The following DVL1 variants were observed in gnomAD, a reference collection of about 807,000 sequenced individuals.
The protein encoded by DVL1 is dishevelled segment polarity protein 1, also known as segment polarity protein dishevelled homolog DVL-1.
A neutral mutation model predicts 65.0 loss-of-function variants in DVL1; 49 were observed. The ratio of observed to expected loss-of-function variants is 0.75; its 90% confidence interval spans 0.60 to 0.96. The LOEUF (loss-of-function observed/expected upper bound fraction) is 0.96, where lower values mean the gene tolerates loss of function less well. DVL1 is among the 40% of genes least tolerant of loss of function. DVL1 has a pLI of 0.00. For missense variants in DVL1, 1,197 were observed against 1,045.4 expected (o/e 1.15, Z -2.00); for synonymous variants, 608 against 433.9 (o/e 1.40, Z -4.99).
At position 1,335,914 on chromosome 1, in the gene DVL1, G is replaced by C; in HGVS notation, c.*228C>G. ...CCAGACACAAGGGGTTGGGAGGTCC[G>C]AGGCTCTCGCTGAGGGGCAGAGAGG... On this transcript the variant is annotated 3_prime_UTR_variant, in exon 15 of 15. Transcript: ENST00000378888. 1 of 610,622 alleles carries C rather than the reference G, an allele frequency of 1.6e-6. No individual in the cohort carries two copies. Among genetic ancestry groups the C allele is most frequent in the Non-Finnish European group, 2.9e-6 (1 of 350,220 alleles). 37.8% of individuals were successfully genotyped at this position (610,622 alleles called of 1,614,324 possible). A position where few individuals can be genotyped will look rare whatever the true frequency, so the allele number is the denominator to read the frequency against.
In DVL1 at chr1:1,342,450, C is replaced by T. The variant is rs756375414; in HGVS notation, c.275G>A (p.Gly92Glu). Residue 92 changes from glycine to glutamate, a missense_variant, in exon 3 of 15, where the codon GGG becomes GAG. By Grantham distance (98) the Gly-to-Glu change is moderately conservative. Transcript: ENST00000378888. ...VLAEGAHSDA[G>E]SQGTDSHTDL... ...TGTGTGGCTGTCCGTGCCCTGGGAC[C>T]CCGCATCCGAGTGAGCACCCTCAGC... is the stretch of plus-strand genomic sequence containing the variant. 38 of 1,607,708 alleles carry T rather than the reference C, an allele frequency of 2.4e-5. No individual in the cohort carries two copies. Among genetic ancestry groups the T allele is most frequent in the Non-Finnish European group, 3.1e-5 (37 of 1,178,200 alleles).
At chr1:1,341,054 CACAT>C (rs1643797147) in intron 5 of DVL1, among the ~76,000 whole-genome samples, 1 of 149,652 alleles carries the variant, frequency 6.7e-6, no homozygotes, top group Non-Finnish European at 1.5e-5. Context: ...CCCCTGCACA[CACAT>C]GCACACCTGC....
chr1:1,336,632 G>C (rs1643585996), intron 14 of DVL1, 117 bp from the exon 15 acceptor site: 28 of 1,344,504 alleles, frequency 2.1e-5, no homozygotes, highest in Non-Finnish European at 2.6e-5. Flanking sequence ...GGACGGGTGG[G>C]TGGGGCAGCC....
intron 5 of DVL1, among the ~76,000 whole-genome samples, chr1:1,341,166 AGCACACCTGCACACAC>A (rs1192787193): frequency 3.9e-5 from 5 of 127,830 alleles, no homozygotes; most frequent in Non-Finnish European, 6.6e-5. Context: ...CACCTGTACA[AGCACACCTGCACACAC>A]GCACATCTGC....
chr1:1,342,776 CG>C lies in DVL1; in HGVS notation c.171-19del. 1 of 1,612,070 alleles carries C rather than the reference CG, an allele frequency of 6.2e-7. No homozygotes were observed. The highest frequency in any genetic ancestry group is 8.5e-7 in the Non-Finnish European group (1 of 1,179,316). ...TCACCACCCTGTGGGCATATGCTGC[CG>C]TGAGGCCCCACCTGGGGGGCCCAAC... On this transcript the variant is annotated intron_variant, in intron 1 of 14. Transcript: ENST00000378888.
chr1:1,340,678 C>T (rs1474834126), intron 5 of DVL1, among the ~76,000 whole-genome samples, 175 bp from the exon 6 acceptor site: 1 of 152,120 alleles, frequency 6.6e-6, no homozygotes, highest in African/African-American at 2.4e-5. Flanking sequence ...TATGAGCACA[C>T]ACGAAAATCC....
chr1:1,348,175 G>A (rs1173369989), intron 1 of DVL1, among the ~76,000 whole-genome samples: 1 of 152,176 alleles, frequency 6.6e-6, no homozygotes, highest in Non-Finnish European at 1.5e-5. Context: ...CCTGCTCCCT[G>A]TCCCAGAGGG....
chr1:1,343,304 G>C (rs1643876103), intron 1 of DVL1, among the ~76,000 whole-genome samples: 2 of 147,506 alleles, frequency 1.4e-5, no homozygotes. Context: ...CTCAGGGCCA[G>C]GCCCCAGCCT....
intron 5 of DVL1, 44 bp from the exon 6 acceptor site, chr1:1,340,547 T>A: frequency 6.4e-7 from 1 of 1,556,604 alleles, no homozygotes. Context: ...GAGACATGGG[T>A]AGGGGGGTGG....
At chr1:1,348,401 C>A (rs1446012703) in intron 1 of DVL1, among the ~76,000 whole-genome samples, 2 of 152,218 alleles carry the variant, frequency 1.3e-5, no homozygotes, top group African/African-American at 2.4e-5. Flanking sequence ...TGACCTCCAC[C>A]CTGTCACAAG....
chr1:1,346,968 G>A (rs1274538636), intron 1 of DVL1, among the ~76,000 whole-genome samples: 1 of 152,188 alleles, frequency 6.6e-6, no homozygotes, highest in Non-Finnish European at 1.5e-5. Flanking sequence ...CTATTCCACA[G>A]AACAGACAGT....
intron 1 of DVL1, 44 bp from the exon 2 acceptor site, chr1:1,342,802 C>T (rs1186369072): frequency 6.2e-7 from 1 of 1,602,788 alleles, no homozygotes; most frequent in Admixed American, 1.7e-5. Context: ...GGGGGCCCAA[C>T]CCTGCGGTTC....
chr1:1,341,468 G>A (rs1038384706), intron 5 of DVL1, among the ~76,000 whole-genome samples, 199 bp downstream of exon 5: 2 of 151,320 alleles, frequency 1.3e-5, no homozygotes, highest in East Asian at 2.0e-4. Flanking sequence ...GCGCACACAC[G>A]TGCACAGTGA....
rs530528574 is a variant in DVL1 at position 1,339,449 on chromosome 1, C to G, written c.1055-10G>C. On this transcript the variant is annotated splice_polypyrimidine_tract_variant and intron_variant, in intron 10 of 14. Transcript: ENST00000378888. ...GGCCGCACCGGGTCAGCTGGGTGGC[C>G]GCCACGTGGCGATGACAGGCGGACA... 1 of 1,546,160 alleles carries G rather than the reference C, an allele frequency of 6.5e-7. No individual in the cohort carries two copies. The highest frequency in any genetic ancestry group is 2.5e-5 in the East Asian group (1 of 40,794).
chr1:1,339,362 C>T lies in DVL1; in HGVS notation c.1132G>A (p.Gly378Ser). 2 of 1,548,768 alleles carry T rather than the reference C, an allele frequency of 1.3e-6. No homozygotes were observed. The highest frequency in any genetic ancestry group is 1.7e-6 in the Non-Finnish European group (2 of 1,146,874). ...ACGGCGCTGGAGCAGGGACTCGTAC[C>T]GTAGCGGGGCAGGGCTCCTGTCAGT... ...AALTGALPRY[G>S]TSPCSSAVTR... is the part of the protein sequence containing the mutation. Residue 378 changes from glycine to serine, a missense_variant, in exon 11 of 15, where the codon GGT becomes AGT. By Grantham distance (56) the Gly-to-Ser change is moderately conservative. Coordinates refer to ENST00000378888, the MANE Select transcript of DVL1 (RefSeq NM_001330311.2).
chr1:1,339,927 C>T (rs1192701497), intron 8 of DVL1, 111 bp downstream of exon 8: 1 of 1,553,768 alleles, frequency 6.4e-7, no homozygotes, highest in Non-Finnish European at 8.7e-7. Flanking sequence ...CCACCCGCAG[C>T]CGCATGTCCC....
At position 1,341,821 on chromosome 1, in the gene DVL1, G is replaced by T; in HGVS notation, c.467-16C>A. ...GTCCGGGCGGCTGTGGGGGCAGCAG[G>T]TTGGGAACTGACTGCAGGGTCTCCC... On this transcript the variant is annotated splice_polypyrimidine_tract_variant and intron_variant, in intron 4 of 14. Transcript: ENST00000378888. 1 of 1,563,636 alleles carries T rather than the reference G, an allele frequency of 6.4e-7. No homozygotes were observed. The highest frequency in any genetic ancestry group is 1.8e-5 in the Admixed American group (1 of 55,370).
chr1:1,341,074 CGCACCCCTGCACACAG>C (rs1436982431), intron 5 of DVL1, among the ~76,000 whole-genome samples: 19 of 148,046 alleles, frequency 1.3e-4, no homozygotes, highest in East Asian at 2.1e-4. Flanking sequence ...CCTGCACACA[CGCACCCCTGCACACAG>C]GCACACCTGC....
At position 1,338,550 on chromosome 1, in the gene DVL1, G is replaced by C. The variant is rs1643671342; in HGVS notation, c.1311C>G (p.Leu437=). 6.2e-7 allele frequency: 1 copy of C among 1,612,608 alleles called. No homozygotes were observed. The highest frequency in any genetic ancestry group is 1.1e-5 in the South Asian group (1 of 91,084). The change falls in exon 12 of 15, where the codon CTC becomes CTG. Residue 437 remains leucine, a synonymous_variant. Coordinates refer to ENST00000378888, the MANE Select transcript of DVL1 (RefSeq NM_001330311.2). ...SGLEIRDRMW[L]KITIANAVIG... is the part of the protein sequence containing the mutation. ...TGACGGCATTGGCGATGGTGATCTT[G>C]AGCCACATGCGGTCGCGGATCTCCA...
Sources: gnomAD v4.1 joint callset for allele counts (sites outside exome capture counted in the v4.1 genomes callset) on GRCh38, gnomAD v4.1.1 for gene constraint, MANE v1.5 for transcripts, NCBI Gene and HGNC (gene_info 2026-07-23, HGNC 2026-07-21) for gene names.